FLT3: variants seen among roughly 807,000 people sequenced by gnomAD.
The protein encoded by FLT3 is receptor-type tyrosine-protein kinase FLT3.
FLT3 carries 46 observed loss-of-function variants against 126.6 expected under a neutral mutation model. The ratio of observed to expected loss-of-function variants is 0.36; its 90% CI spans 0.29 to 0.46. FLT3 has a LOEUF of 0.46. Ranked by LOEUF, FLT3 falls within the 20% of genes least tolerant of loss-of-function variation. The pLI is 1.00. For synonymous variants in FLT3, 404 were observed against 434.4 expected (o/e 0.93, Z 0.87); for missense variants, 1,069 against 1,190.3 (o/e 0.90, Z 1.50).
rs979991217 is a variant in FLT3, at chr13:28,062,185, A to G, written c.166-116T>C. 9.9e-6 allele frequency: 7 copies of G among 707,208 alleles called. No individual in the cohort carries two copies. The East Asian group carries it at 1.0e-4, about 10-fold the overall frequency. 43.8% of individuals were successfully genotyped at this position (707,208 alleles called of 1,614,324 possible). A position where few individuals can be genotyped will look rare whatever the true frequency, so the allele number is the denominator to read the frequency against. On this transcript the variant is annotated intron_variant, in intron 2 of 23. Transcript: ENST00000241453. ...TGCTGACACACTGCACGCAACACCC[A>G]CACAAGCTGGAACCCACTGAGAACA...
chr13:28,033,176 TTGTCTTGGCA>T (rs1873505907), intron 15 of FLT3, among the ~76,000 whole-genome samples: 2 of 150,810 alleles, frequency 1.3e-5, no homozygotes, highest in Admixed American at 6.6e-5. Flanking sequence ...AATTAGCCAA[TTGTCTTGGCA>T]CACTCCTGTG....
intron 1 of FLT3, among the ~76,000 whole-genome samples, chr13:28,082,609 C>A (rs1593298604): frequency 6.6e-6 from 1 of 152,236 alleles, no homozygotes; most frequent in East Asian, 1.9e-4. Flanking sequence ...GATCCTCCAA[C>A]CTTGGAAGGG....
chr13:28,095,813 G>A (rs912109700), intron 1 of FLT3, among the ~76,000 whole-genome samples: 22 of 152,100 alleles, frequency 1.4e-4, no homozygotes, highest in African/African-American at 5.1e-4. Flanking sequence ...GAGATGAGAG[G>A]AACACAAAGA....
At chr13:28,029,220 G>A (rs1421937841) in intron 15 of FLT3, among the ~76,000 whole-genome samples, 2 of 152,152 alleles carry the variant, frequency 1.3e-5, no homozygotes, top group Non-Finnish European at 2.9e-5. Flanking sequence ...GTGAAACCCT[G>A]TCTCTACTAA....
At position 28,057,573 on chromosome 13, in the gene FLT3, C is replaced by T. The variant is rs760457071; in HGVS notation, c.369-111G>A. On this transcript the variant is annotated intron_variant, in intron 3 of 23. Transcript: ENST00000241453. The stretch of plus-strand genomic sequence containing the variant: ...GTACTCCAGCGTTCCCCGACTGGCA[C>T]GGAAGCCGCTCTGTGGAGAACACAG... The T allele has an allele frequency of 3.0e-4, 195 of 654,790 alleles. 1 individual carries two copies. Among genetic ancestry groups the T allele is most frequent in the Admixed American group, 4.6e-4 (20 of 43,754 alleles). The allele number at this position is 654,790 out of a possible 1,614,324, so 40.6% of individuals were successfully genotyped here. A position where few individuals can be genotyped will look rare whatever the true frequency, so the allele number is the denominator to read the frequency against.
chr13:28,053,388 G>T (rs1176462863), intron 4 of FLT3, among the ~76,000 whole-genome samples: 1 of 104,788 alleles, frequency 9.5e-6, no homozygotes, highest in Admixed American at 8.9e-5. Flanking sequence ...AAAATACTAT[G>T]TACTGTTTGA....
chr13:28,012,909 C>A (rs1169150908), intron 23 of FLT3, among the ~76,000 whole-genome samples: 1 of 151,330 alleles, frequency 6.6e-6, no homozygotes, highest in Non-Finnish European at 1.5e-5. Flanking sequence ...TGCACTCCAG[C>A]CTGGATGACA....
Position 28,048,455 on chromosome 13 carries a change from A to C in FLT3, c.1037-12T>G. On this transcript the variant is annotated splice_polypyrimidine_tract_variant and intron_variant, in intron 8 of 23. Coordinates refer to ENST00000241453, the MANE Select transcript of FLT3 (RefSeq NM_004119.3). ...TATAAATCCCTTTTCTGTAAGAAAA[A>C]ATAGGCATTTATGAGTTAGTTAATA... 1 of 1,543,730 alleles carries C rather than the reference A, an allele frequency of 6.5e-7. No homozygotes were observed. Among genetic ancestry groups the C allele is most frequent in the Non-Finnish European group, 8.9e-7 (1 of 1,119,582 alleles).
At chr13:28,041,995 A>T (rs58216834) in intron 9 of FLT3, among the ~76,000 whole-genome samples, 3,199 of 151,998 alleles carry the variant, frequency 0.021, 98 homozygotes, top group African/African-American at 0.071. Flanking sequence ...TCTACTAAAG[A>T]TACAAAAAAT....
chr13:28,052,463 T>C, intron 5 of FLT3, 82 bp downstream of exon 5: 1 of 1,370,776 alleles, frequency 7.3e-7, no homozygotes, highest in Non-Finnish European at 1.0e-6. Flanking sequence ...AATTAAATTT[T>C]ACATACAGCT....
intron 17 of FLT3, among the ~76,000 whole-genome samples, 170 bp downstream of exon 17, chr13:28,026,918 T>A (rs1872860409): frequency 6.6e-6 from 1 of 152,214 alleles, no homozygotes; most frequent in Non-Finnish European, 1.5e-5. Context: ...GGGACAGGAC[T>A]CGTTCCATGT....
Position 28,018,569 on chromosome 13 carries a change from G to A in FLT3, c.2439C>T (p.Ala813=), listed in dbSNP as rs141860068. 6.1e-5 allele frequency: 98 copies of A among 1,614,052 alleles called. No homozygotes were observed. Among genetic ancestry groups the A allele is most frequent in the East Asian group, 1.8e-4 (8 of 44,886 alleles). The change falls in exon 20 of 24, where the codon GCC becomes GCT. Residue 813 remains alanine (A), a synonymous_variant. Transcript: ENST00000241453. ...CGTGGGTGACAAGCACGTTCCTGGC[G>A]GCCAGGTCTCTGTGAACACACTGTC... ...EFKSCVHRDL[A]ARNVLVTHGK...
At chr13:28,068,012 G>A (rs1387083404) in intron 2 of FLT3, 1 of 206,658 alleles carries the variant, frequency 4.8e-6, no homozygotes, top group Non-Finnish European at 9.9e-6. Context: ...TTAAACCATA[G>A]TGGAGACTTT....
Position 28,061,945 on chromosome 13 carries a change from G to A in FLT3, c.290C>T (p.Ala97Val), listed in dbSNP as rs55784328. 2.2e-5 allele frequency: 35 copies of A among 1,613,604 alleles called. No individual in the cohort carries two copies. Among genetic ancestry groups the A allele is most frequent in the Non-Finnish European group, 2.8e-5 (33 of 1,179,714 alleles). The stretch of plus-strand genomic sequence containing the variant: ...CCAGAGACAGGAAATGTTCCCTGGG[G>A]CGTCGACCAGCACTTGCAGTGTGAT... ...ASITLQVLVD[A>V]PGNISCLWVF... The change falls in exon 3 of 24, where the codon GCC becomes GTC. Residue 97 changes from alanine to valine, a missense_variant. By Grantham distance (64) the Ala-to-Val change is moderately conservative (BLOSUM62 0). Transcript: ENST00000241453.
chr13:28,088,543 C>A (rs1436488165), intron 1 of FLT3, among the ~76,000 whole-genome samples: 2 of 150,822 alleles, frequency 1.3e-5, no homozygotes, highest in Non-Finnish European at 2.9e-5. Flanking sequence ...CTGCCTTGGC[C>A]TCCCAAAGTG....
Position 28,016,585 on chromosome 13 carries a change from A to C in FLT3, c.2542-884T>G, listed in dbSNP as rs192994120. Among the ~76,000 whole-genome samples the C allele has an allele frequency of 3.4e-3, 523 of 152,262 alleles. 3 individuals are homozygous for C. Among genetic ancestry groups the C allele is most frequent in the African/African-American group, 0.011 (468 of 41,556 alleles). ...CACCTGGCTGTACTGATTTTCTTTT[A>C]CATGGGTTGACGAGTCCTTCACAGC... On this transcript the variant is annotated intron_variant, in intron 20 of 23. Coordinates refer to ENST00000241453, the MANE Select transcript of FLT3 (RefSeq NM_004119.3).
At chr13:28,006,406 C>T (rs1870900260) in intron 23 of FLT3, among the ~76,000 whole-genome samples, 1 of 151,142 alleles carries the variant, frequency 6.6e-6, no homozygotes, top group Non-Finnish European at 1.5e-5. Flanking sequence ...TTGCTTGTAC[C>T]CTGAAGGATG....
chr13:28,014,358 A>ACTTGT lies in FLT3; in HGVS notation c.2859+93_2859+94insACAAG, dbSNP rs1871646153. On this transcript the variant is annotated intron_variant, in intron 23 of 23. Transcript: ENST00000241453. ...CAGAAAAACTGCAATGAGAATGACA[A>ACTTGT]CTTGGTACCTTTGGTTCACAGGAAG... is the stretch of plus-strand genomic sequence containing the variant. 5.6e-6 allele frequency: 5 copies of ACTTGT among 890,436 alleles called. No homozygotes were observed. The South Asian group carries it at 7.4e-5, about 13-fold the overall frequency. 55.2% of individuals were successfully genotyped at this position (890,436 alleles called of 1,614,324 possible). A position where few individuals can be genotyped will look rare whatever the true frequency, so the allele number is the denominator to read the frequency against.
In FLT3 at chr13:28,004,021, G is replaced by A. The variant is rs761284186; in HGVS notation, c.*31C>T. 1.7e-5 allele frequency: 28 copies of A among 1,613,238 alleles called. No homozygotes were observed. The highest frequency in any genetic ancestry group is 2.4e-5 in the Non-Finnish European group (28 of 1,179,372). On this transcript the variant is annotated 3_prime_UTR_variant, in exon 24 of 24. Transcript: ENST00000241453. Reference sequence around the variant, plus strand: ...CTACAGCCTGTTAGGGATAGGTGGAGGGATGAAGTCCTTAAAACTAAATTG... The same window carrying A: ...CTACAGCCTGTTAGGGATAGGTGGAAGGATGAAGTCCTTAAAACTAAATTG...
Sources: gnomAD v4.1 joint callset for allele counts (sites outside exome capture counted in the v4.1 genomes callset) on GRCh38, gnomAD v4.1.1 for gene constraint, MANE v1.5 for transcripts, NCBI Gene and HGNC (gene_info 2026-07-23, HGNC 2026-07-21) for gene names.